PRPH: variants seen among roughly 807,000 people sequenced by gnomAD.
PRPH encodes neurofilament 4 (57kD).
PRPH carries 48 observed loss-of-function variants against 52.6 expected under a neutral mutation model. That is an observed-to-expected ratio of 0.91 (90% confidence interval 0.72 to 1.16). PRPH has a LOEUF of 1.16. Among genes scored for constraint, PRPH ranks in the 50% most tolerant of loss-of-function variants. The pLI, the probability that PRPH is intolerant of heterozygous loss-of-function variation, is 0.00. For missense variants in PRPH, 579 were observed against 635.7 expected, an observed-to-expected ratio of 0.91 and a Z score of 0.96; for synonymous variants, 279 against 283.8, an observed-to-expected ratio of 0.98 and a Z score of 0.17.
At chr12:49,295,882 G>A in intron 1 of PRPH, 137 bp downstream of exon 1, 1 of 1,439,860 alleles carries the variant, frequency 6.9e-7, no homozygotes, top group Non-Finnish European at 9.1e-7. Flanking sequence ...CCAGGTGTGT[G>A]CGGGCAGCAT....
chr12:49,296,577 C>T lies in PRPH; in HGVS notation c.702+50C>T, dbSNP rs1450501088. 3 of 1,553,222 alleles carry T rather than the reference C, an allele frequency of 1.9e-6. No individual in the cohort carries two copies. Among genetic ancestry groups the T allele is most frequent in the South Asian group, 1.1e-5 (1 of 88,970 alleles). On this transcript the variant is annotated intron_variant, in intron 3 of 8. Transcript: ENST00000257860. The surrounding 1 kb of genome is among the most constrained non-coding windows in gnomAD (Gnocchi z 5.1). The stretch of plus-strand genomic sequence containing the variant: ...GGTTTCTGAGGTTGTGGGGTGGTCT[C>T]GCTGGAGCTGGCGGGTGGAGCGGAG...
At position 49,297,621 on chromosome 12, in the gene PRPH, T is replaced by TGGGCC; in HGVS notation, c.1217+49_1218-47dup. 19 of 1,031,914 alleles carry TGGGCC rather than the reference T, an allele frequency of 1.8e-5. No homozygotes were observed. Among genetic ancestry groups the TGGGCC allele is most frequent in the Non-Finnish European group, 2.4e-5 (18 of 738,294 alleles). 63.9% of individuals were successfully genotyped at this position (1,031,914 alleles called of 1,614,324 possible). On this transcript the variant is annotated intron_variant, in intron 6 of 8. Transcript: ENST00000257860. This position sits in a 1 kb window ranked among gnomAD's most constrained non-coding sequence, Gnocchi z 4.4. ...GGGCGGGGCAGGGCGGGGTCGGGACTGGGCCGGGCAGGGCGGGGCCTGGGC... is the reference window on the plus strand; with the variant it reads ...GGGCGGGGCAGGGCGGGGTCGGGACTGGGCCGGGCCGGGCAGGGCGGGGCCTGGGC...
Position 49,296,086 on chromosome 12 carries a change from C to T in PRPH, c.546-92C>T. 3 of 1,421,116 alleles carry T rather than the reference C, an allele frequency of 2.1e-6. No individual in the cohort carries two copies. The highest frequency in any genetic ancestry group is 2.9e-6 in the Non-Finnish European group (3 of 1,033,626). The allele number at this position is 1,421,116 out of a possible 1,614,324, so 88.0% of individuals were successfully genotyped here. A position where few individuals can be genotyped will look rare whatever the true frequency, so the allele number is the denominator to read the frequency against. Reference sequence around the variant, plus strand: ...CCATTTAGAGTCCTGGGCAGCAGAACAGCCTCTAACCGGATCCTGGGGGGC... The same window carrying T: ...CCATTTAGAGTCCTGGGCAGCAGAATAGCCTCTAACCGGATCCTGGGGGGC... On this transcript the variant is annotated intron_variant, in intron 1 of 8. Transcript: ENST00000257860. The surrounding 1 kb of genome is among the most constrained non-coding windows in gnomAD (Gnocchi z 5.1).
At position 49,298,001 on chromosome 12, in the gene PRPH, G is replaced by T. The variant is rs139228187; in HGVS notation, c.1311G>T (p.Thr437=). The change falls in exon 8 of 9, where the codon ACG becomes ACT. Residue 437 remains threonine, a synonymous_variant. Transcript: ENST00000257860. The part of the protein sequence containing the change: ...EPPQDSHSRK[T]VLIKTIETRN... ...CCCAGGACAGCCACAGCCGGAAGAC[G>T]GTTCTGATCAAGACCATTGAGACCC... The T allele has an allele frequency of 4.3e-6, 7 of 1,614,086 alleles. No individual in the cohort carries two copies. Among genetic ancestry groups the T allele is most frequent in the East Asian group, 2.2e-5 (1 of 44,898 alleles).
rs547436039 is a variant in PRPH at position 49,296,185 on chromosome 12, G to A, written c.553G>A (p.Glu185Lys). The A allele has an allele frequency of 6.2e-6, 10 of 1,612,232 alleles. No homozygotes were observed. In the African/African-American group the frequency reaches 6.7e-5, roughly 11 times the overall value. ...DLAALKQRLE[E>K]ETRKREDAEH... ...GCACGCTCTTCCCGTCAGGTTGGAG[G>A]AGGAGACGCGCAAGCGGGAGGACGC... Residue 185 changes from glutamate to lysine, a missense_variant, in exon 2 of 9, where the codon GAG becomes AAG. By Grantham distance (56) the Glu-to-Lys change is moderately conservative (BLOSUM62 1). Transcript: ENST00000257860. The surrounding 1 kb of genome is among the most constrained non-coding windows in gnomAD (Gnocchi z 5.1).
rs558704057 is a variant in PRPH, at chr12:49,296,359, A to G, written c.607-73A>G. On this transcript the variant is annotated intron_variant, in intron 2 of 8. Coordinates refer to ENST00000257860, the MANE Select transcript of PRPH (RefSeq NM_006262.4). This position sits in a 1 kb window ranked among gnomAD's most constrained non-coding sequence, Gnocchi z 5.1. ...AACCCAGATGCCTCCTGAGGCAGAC[A>G]GGGAAGGCCTGGTCCTTCCTTGGTC... 5.7e-4 allele frequency: 901 copies of G among 1,568,328 alleles called. No homozygotes were observed. The highest frequency in any genetic ancestry group is 7.3e-4 in the Non-Finnish European group (829 of 1,140,714).
chr12:49,297,792 G>T lies in PRPH; in HGVS notation c.1267+66G>T. On this transcript the variant is annotated intron_variant, in intron 7 of 8. Transcript: ENST00000257860. The surrounding 1 kb of genome is among the most constrained non-coding windows in gnomAD (Gnocchi z 4.4). ...CTGCCCTCCTCGGGCTCTTGCTCTGGCTCACCTCAGGGATCTCTTCTCCCC... is the reference window on the plus strand; with the variant it reads ...CTGCCCTCCTCGGGCTCTTGCTCTGTCTCACCTCAGGGATCTCTTCTCCCC... 1 of 1,608,918 alleles carries T rather than the reference G, an allele frequency of 6.2e-7. No homozygotes were observed. Among genetic ancestry groups the T allele is most frequent in the South Asian group, 1.1e-5 (1 of 90,976 alleles).
Position 49,296,833 on chromosome 12 carries a change from C to T in PRPH, c.703-56C>T. The stretch of plus-strand genomic sequence containing the variant: ...TCTTCTCTTTTCTGTGCACGAACTG[C>T]GTGGCCCGCGTGGAATTTGCGCCGC... On this transcript the variant is annotated intron_variant, in intron 3 of 8. Coordinates refer to ENST00000257860, the MANE Select transcript of PRPH (RefSeq NM_006262.4). The surrounding 1 kb of genome is among the most constrained non-coding windows in gnomAD (Gnocchi z 5.1). The T allele has an allele frequency of 1.3e-6, 2 of 1,566,336 alleles. No homozygotes were observed. The highest frequency in any genetic ancestry group is 1.2e-5 in the South Asian group (1 of 86,286).
chr12:49,296,663 G>A lies in PRPH; in HGVS notation c.702+136G>A, dbSNP rs1943185124. 7 of 1,095,814 alleles carry A rather than the reference G, an allele frequency of 6.4e-6. No individual in the cohort carries two copies. Among genetic ancestry groups the A allele is most frequent in the Non-Finnish European group, 9.4e-6 (7 of 745,108 alleles). 67.9% of individuals were successfully genotyped at this position (1,095,814 alleles called of 1,614,324 possible). ...CGCAGCCCCTCCACCCTAGTCTACA[G>A]GTGGTTAGACTCCCACCCTTGCGCC... is the stretch of plus-strand genomic sequence containing the variant. On this transcript the variant is annotated intron_variant, in intron 3 of 8. Transcript: ENST00000257860. This position sits in a 1 kb window ranked among gnomAD's most constrained non-coding sequence, Gnocchi z 5.1.
chr12:49,295,837 A>G, intron 1 of PRPH, 92 bp downstream of exon 1: 2 of 1,435,968 alleles, frequency 1.4e-6, no homozygotes, highest in Non-Finnish European at 1.8e-6. Flanking sequence ...TCCCCTCTCC[A>G]TCAGCAGCCC....
Position 49,297,927 on chromosome 12 carries a change from C to G in PRPH, c.1268-31C>G. ...TAAGAGGAGAGATTCCCACGCCTTC[C>G]CCCTTGAACCCTTTATCCTGCTTTC... On this transcript the variant is annotated intron_variant, in intron 7 of 8. Transcript: ENST00000257860. The surrounding 1 kb of genome is among the most constrained non-coding windows in gnomAD (Gnocchi z 4.4). 1 of 1,612,508 alleles carries G rather than the reference C, an allele frequency of 6.2e-7. No homozygotes were observed. Among genetic ancestry groups the G allele is most frequent in the Middle Eastern group, 1.6e-4 (1 of 6,062 alleles).
chr12:49,296,142 C>T lies in PRPH; in HGVS notation c.546-36C>T. 6.2e-7 allele frequency: 1 copy of T among 1,604,468 alleles called. No individual in the cohort carries two copies. Among genetic ancestry groups the T allele is most frequent in the African/African-American group, 1.3e-5 (1 of 74,932 alleles). On this transcript the variant is annotated intron_variant, in intron 1 of 8. Transcript: ENST00000257860. This position sits in a 1 kb window ranked among gnomAD's most constrained non-coding sequence, Gnocchi z 5.1. The stretch of plus-strand genomic sequence containing the variant: ...GTCTGGGGTGCGAGCTGGGCGGCGA[C>T]CCCGCAGTTCAGCCTCTGCACGCTC...
chr12:49,296,153 A>G lies in PRPH; in HGVS notation c.546-25A>G. On this transcript the variant is annotated intron_variant, in intron 1 of 8. Transcript: ENST00000257860. This position sits in a 1 kb window ranked among gnomAD's most constrained non-coding sequence, Gnocchi z 5.1. ...GAGCTGGGCGGCGACCCCGCAGTTC[A>G]GCCTCTGCACGCTCTTCCCGTCAGG... 1.2e-6 allele frequency: 2 copies of G among 1,609,626 alleles called. No individual in the cohort carries two copies. Among genetic ancestry groups the G allele is most frequent in the African/African-American group, 1.3e-5 (1 of 74,972 alleles).
Position 49,296,356 on chromosome 12 carries a change from G to C in PRPH, c.607-76G>C. 1 of 1,569,740 alleles carries C rather than the reference G, an allele frequency of 6.4e-7. No homozygotes were observed. The highest frequency in any genetic ancestry group is 8.8e-7 in the Non-Finnish European group (1 of 1,142,398). ...GGTAACCCAGATGCCTCCTGAGGCA[G>C]ACAGGGAAGGCCTGGTCCTTCCTTG... On this transcript the variant is annotated intron_variant, in intron 2 of 8. Transcript: ENST00000257860. This position sits in a 1 kb window ranked among gnomAD's most constrained non-coding sequence, Gnocchi z 5.1.
intron 1 of PRPH, 73 bp downstream of exon 1, chr12:49,295,818 C>A: frequency 7.0e-7 from 1 of 1,434,356 alleles, no homozygotes; most frequent in Non-Finnish European, 9.1e-7. Context: ...GCTCTTGCCT[C>A]CCCTCGCTTC....
At position 49,296,702 on chromosome 12, in the gene PRPH, C is replaced by T; in HGVS notation, c.702+175C>T. On this transcript the variant is annotated intron_variant, in intron 3 of 8. Transcript: ENST00000257860. The surrounding 1 kb of genome is among the most constrained non-coding windows in gnomAD (Gnocchi z 5.1). Reference sequence around the variant, plus strand: ...CACCCTTGCGCCACCTGGCGGCGGGCAGCGGGGCTGTACCTCCGAAACCTG... The same window carrying T: ...CACCCTTGCGCCACCTGGCGGCGGGTAGCGGGGCTGTACCTCCGAAACCTG... 8.7e-7 allele frequency: 1 copy of T among 1,148,298 alleles called. No homozygotes were observed. The highest frequency in any genetic ancestry group is 1.2e-6 in the Non-Finnish European group (1 of 806,342). The allele number at this position is 1,148,298 out of a possible 1,614,324, so 71.1% of individuals were successfully genotyped here. A position where few individuals can be genotyped will look rare whatever the true frequency, so the allele number is the denominator to read the frequency against.
Position 49,298,589 on chromosome 12 carries a change from C to A in PRPH, c.*236C>A. The stretch of plus-strand genomic sequence containing the variant: ...CATGTCCCGATAAGAAGCCAATGAT[C>A]CCCCCTCAGGACAAATCTACTCCAG... On this transcript the variant is annotated 3_prime_UTR_variant, in exon 9 of 9. Transcript: ENST00000257860. 1 of 555,438 alleles carries A rather than the reference C, an allele frequency of 1.8e-6. No homozygotes were observed. Among genetic ancestry groups the A allele is most frequent in the Non-Finnish European group, 3.3e-6 (1 of 307,666 alleles). The allele number at this position is 555,438 out of a possible 1,614,324, so 34.4% of individuals were successfully genotyped here.
At position 49,297,296 on chromosome 12, in the gene PRPH, G is replaced by A; in HGVS notation, c.996+23G>A. The A allele has an allele frequency of 6.2e-7, 1 of 1,613,740 alleles. No homozygotes were observed. The highest frequency in any genetic ancestry group is 8.5e-7 in the Non-Finnish European group (1 of 1,179,970). ...ACGGTGAGTACGAAGCTGCGCGCTCGGGCCCGGGGAGCGGACGATGAAATG... is the reference window on the plus strand; with the variant it reads ...ACGGTGAGTACGAAGCTGCGCGCTCAGGCCCGGGGAGCGGACGATGAAATG... On this transcript the variant is annotated intron_variant, in intron 5 of 8. Coordinates refer to ENST00000257860, the MANE Select transcript of PRPH (RefSeq NM_006262.4). The surrounding 1 kb of genome is among the most constrained non-coding windows in gnomAD (Gnocchi z 4.4).
Position 49,295,359 on chromosome 12 carries a change from C to T in PRPH, c.159C>T (p.Ser53=). ...TGCTGGGCTCCGCGTCCCCGAGCTC[C>T]TCGGTGCGCCTGGGCAGCTTCCGTA... ...SRLLGSASPS[S]SVRLGSFRSP... The change falls in exon 1 of 9, where the codon TCC becomes TCT. Residue 53 remains serine, a synonymous_variant. Transcript: ENST00000257860. The T allele has an allele frequency of 6.2e-7, 1 of 1,609,990 alleles. No individual in the cohort carries two copies. The highest frequency in any genetic ancestry group is 8.5e-7 in the Non-Finnish European group (1 of 1,179,028).
Sources: allele counts gnomAD v4.1 joint callset, GRCh38; gene constraint gnomAD v4.1.1; non-coding constraint Gnocchi (gnomAD v3.1); transcripts MANE v1.5; gene names NCBI Gene and HGNC (gene_info 2026-07-23, HGNC 2026-07-21).